Variants in UBTD1 observed in about 807,000 individuals in gnomAD.
UBTD1 encodes ubiquitin domain-containing protein 1.
UBTD1 carries 19 observed loss-of-function variants against 21.7 expected under a neutral mutation model. That is an observed-to-expected ratio of 0.87 (90% CI 0.61 to 1.28). The LOEUF (loss-of-function observed/expected upper bound fraction) is 1.28. Ranked by LOEUF, UBTD1 falls within the 50% of genes most tolerant of loss-of-function variation. The probability of loss-of-function intolerance (pLI) is 0.00; values close to 1 mark genes in which losing one functional copy is unlikely to be tolerated. For synonymous variants in UBTD1, 116 were observed against 135.1 expected (o/e 0.86, Z 0.98); for missense variants, 282 against 315.1 (o/e 0.89, Z 0.80).
At chr10:97,544,608 G>A (rs1004571713) in intron 1 of UBTD1, among the ~76,000 whole-genome samples, 1 of 152,080 alleles carries the variant, frequency 6.6e-6, no homozygotes, top group Non-Finnish European at 1.5e-5. Context: ...CTAATAACAT[G>A]AACAGTTGAT....
chr10:97,499,081 G>A lies in UBTD1; in HGVS notation c.-123G>A. 1 of 1,131,516 alleles carries A rather than the reference G, an allele frequency of 8.8e-7. No individual in the cohort carries two copies. Among genetic ancestry groups the A allele is most frequent in the East Asian group, 2.8e-5 (1 of 35,324 alleles). The allele number at this position is 1,131,516 out of a possible 1,614,324, so 70.1% of individuals were successfully genotyped here. A position where few individuals can be genotyped will look rare whatever the true frequency, so the allele number is the denominator to read the frequency against. On this transcript the variant is annotated 5_prime_UTR_variant, in exon 1 of 3. Transcript: ENST00000370664. Reference sequence around the variant, plus strand: ...CATCGCTGGGGCTGAGCGCGCCCCCGGGGGGAGATCGGGGAGCGCCCGATG... The same window carrying A: ...CATCGCTGGGGCTGAGCGCGCCCCCAGGGGGAGATCGGGGAGCGCCCGATG...
chr10:97,554,610 G>T (rs1178525647), intron 1 of UBTD1, among the ~76,000 whole-genome samples: 1 of 152,078 alleles, frequency 6.6e-6, no homozygotes, highest in Non-Finnish European at 1.5e-5. Context: ...GGGTGCAGTG[G>T]TGCAGTCATA....
chr10:97,529,101 C>G (rs912740052), intron 1 of UBTD1, among the ~76,000 whole-genome samples: 14 of 150,976 alleles, frequency 9.3e-5, no homozygotes, highest in Admixed American at 4.6e-4. Context: ...CGCGGCCGGC[C>G]GAGGCACTCC....
intron 1 of UBTD1, among the ~76,000 whole-genome samples, chr10:97,541,987 C>G (rs1006850238): frequency 6.6e-6 from 1 of 152,118 alleles, no homozygotes; most frequent in Non-Finnish European, 1.5e-5. Flanking sequence ...CCACCTGCCT[C>G]GGCCTCCCAA....
chr10:97,565,945 C>T (rs114029434), intron 1 of UBTD1, among the ~76,000 whole-genome samples: 2,554 of 152,168 alleles, frequency 0.017, 71 homozygotes, highest in African/African-American at 0.057. Flanking sequence ...AATTCCTGGG[C>T]TCAAGTGATC....
chr10:97,501,268 G>C (rs557988079), intron 1 of UBTD1, among the ~76,000 whole-genome samples: 1 of 152,330 alleles, frequency 6.6e-6, no homozygotes, highest in South Asian at 2.1e-4. Flanking sequence ...ACTTCTTCCA[G>C]ATTTTATAGT....
intron 1 of UBTD1, among the ~76,000 whole-genome samples, chr10:97,513,219 A>G (rs759940574): frequency 6.6e-6 from 1 of 152,198 alleles, no homozygotes; most frequent in Non-Finnish European, 1.5e-5. Flanking sequence ...CATTCCTGCA[A>G]ATGTGTGTGC....
chr10:97,530,047 A>T (rs1260050126), intron 1 of UBTD1, among the ~76,000 whole-genome samples: 3 of 152,174 alleles, frequency 2.0e-5, no homozygotes, highest in Non-Finnish European at 4.4e-5. Flanking sequence ...ATTCCTGTGC[A>T]TATCACTCCC....
At chr10:97,529,367 C>T (rs1462482856) in intron 1 of UBTD1, among the ~76,000 whole-genome samples, 1 of 152,218 alleles carries the variant, frequency 6.6e-6, no homozygotes, top group East Asian at 1.9e-4. Flanking sequence ...GGGGTAGCGG[C>T]TGGGCAGAGG....
chr10:97,561,387 A>T (rs1441169556), intron 1 of UBTD1, among the ~76,000 whole-genome samples: 5 of 152,016 alleles, frequency 3.3e-5, no homozygotes, highest in African/African-American at 1.2e-4. Flanking sequence ...GAAGGGCTTT[A>T]TTCAGCTGGG....
intron 1 of UBTD1, among the ~76,000 whole-genome samples, chr10:97,562,706 C>T (rs145827971): frequency 1.1e-3 from 171 of 152,238 alleles, no homozygotes; most frequent in Non-Finnish European, 2.0e-3. Flanking sequence ...GAACAAATCA[C>T]AATGGTGGAA....
At chr10:97,564,960 A>G (rs2040710577) in intron 1 of UBTD1, among the ~76,000 whole-genome samples, 1 of 152,188 alleles carries the variant, frequency 6.6e-6, no homozygotes. Flanking sequence ...ACATCTTTAA[A>G]TCCACCTATG....
intron 1 of UBTD1, among the ~76,000 whole-genome samples, chr10:97,566,548 A>G (rs1309809230): frequency 6.6e-6 from 1 of 152,206 alleles, no homozygotes; most frequent in African/African-American, 2.4e-5. Flanking sequence ...CAAGTCATTT[A>G]ATCTCTCTAA....
In UBTD1 at chr10:97,498,990, C is replaced by T. The variant is rs1485711265; in HGVS notation, c.-214C>T. The T allele has an allele frequency of 5.7e-6, 3 of 526,262 alleles. No homozygotes were observed. Among genetic ancestry groups the T allele is most frequent in the Non-Finnish European group, 9.7e-6 (3 of 308,898 alleles). The allele number at this position is 526,262 out of a possible 1,614,324, so 32.6% of individuals were successfully genotyped here. ...GTCGCGGGCCCCCCTGGCCCGGCCA[C>T]CTGGGACCGTGCTGGGGAGTCTGCC... On this transcript the variant is annotated 5_prime_UTR_variant, in exon 1 of 3. Transcript: ENST00000370664.
At chr10:97,504,408 C>T (rs1055569614) in intron 1 of UBTD1, among the ~76,000 whole-genome samples, 15 of 152,166 alleles carry the variant, frequency 9.9e-5, no homozygotes, top group Non-Finnish European at 1.9e-4. Context: ...TTTCTTAAGC[C>T]ATCTCATGCT....
At chr10:97,560,334 A>C (rs2040686484) in intron 1 of UBTD1, among the ~76,000 whole-genome samples, 1 of 152,228 alleles carries the variant, frequency 6.6e-6, no homozygotes, top group Non-Finnish European at 1.5e-5. Flanking sequence ...GTTAACTTTT[A>C]GCAAACTTCA....
At chr10:97,516,439 G>A (rs2040444532) in intron 1 of UBTD1, among the ~76,000 whole-genome samples, 1 of 152,232 alleles carries the variant, frequency 6.6e-6, no homozygotes, top group Non-Finnish European at 1.5e-5. Context: ...CGTTGACTGG[G>A]AGGCTGCCCC....
intron 1 of UBTD1, among the ~76,000 whole-genome samples, chr10:97,530,084 A>G (rs1345654237): frequency 6.6e-6 from 1 of 152,156 alleles, no homozygotes; most frequent in Non-Finnish European, 1.5e-5. Context: ...AGTTTCTAAC[A>G]ATCTCCTGAC....
At chr10:97,517,411 G>T (rs1408920224) in intron 1 of UBTD1, among the ~76,000 whole-genome samples, 1 of 152,080 alleles carries the variant, frequency 6.6e-6, no homozygotes, top group Non-Finnish European at 1.5e-5. Context: ...TGGCTCCTGG[G>T]CCCACCAGCT....
Sources: gnomAD v4.1 joint callset for allele counts (sites outside exome capture counted in the v4.1 genomes callset) on GRCh38, gnomAD v4.1.1 for gene constraint, MANE v1.5 for transcripts, NCBI Gene and HGNC (gene_info 2026-07-23, HGNC 2026-07-21) for gene names.